Variants in KDM4C observed in about 807,000 individuals in gnomAD.
The protein encoded by KDM4C is lysine-specific demethylase 4C.
A neutral mutation model predicts 129.3 loss-of-function variants in KDM4C; 81 were observed. The observed-to-expected ratio is 0.63, with a 90% CI of 0.52 to 0.75. The LOEUF is 0.75. Among genes scored for constraint, KDM4C ranks in the 30% least tolerant of loss-of-function variants. The probability of loss-of-function intolerance (pLI) is 0.00; values close to 1 mark genes in which losing one functional copy is unlikely to be tolerated. For synonymous variants in KDM4C, 573 were observed against 456.1 expected (o/e 1.26, Z -3.26); for missense variants, 1,457 against 1,304.0 (o/e 1.12, Z -1.81).
At chr9:6,867,253 A>G (rs1053178663) in intron 5 of KDM4C, among the ~76,000 whole-genome samples, 1 of 152,000 alleles carries the variant, frequency 6.6e-6, no homozygotes, top group East Asian at 1.9e-4. Flanking sequence ...TGACCTCGTG[A>G]TCCGCCCACC....
In KDM4C at chr9:6,736,650, G is replaced by A. The variant is rs551581176; in HGVS notation, c.49+15653G>A. On this transcript the variant is annotated intron_variant, in intron 1 of 17. Coordinates refer to the KDM4C transcript ENST00000536108. ...ATTAGGAAGTCAGACTATCTCTGTTGTAGACAATGTGATTCTATACCTAAA... is the reference window on the plus strand; with the variant it reads ...ATTAGGAAGTCAGACTATCTCTGTTATAGACAATGTGATTCTATACCTAAA... 3.8e-4 allele frequency among the ~76,000 whole-genome samples: 58 copies of A among 152,264 alleles called. No individual in the cohort carries two copies. The South Asian group carries it at 7.7e-3, about 20-fold the overall frequency.
At chr9:6,889,596 G>C (rs994731932) in intron 7 of KDM4C, among the ~76,000 whole-genome samples, 2 of 152,172 alleles carry the variant, frequency 1.3e-5, no homozygotes, top group Admixed American at 6.5e-5. Flanking sequence ...TGGGCACCAG[G>C]CTTTTGTGAG....
At chr9:6,771,034 A>G (rs1821714861) in intron 1 of KDM4C, among the ~76,000 whole-genome samples, 1 of 147,118 alleles carries the variant, frequency 6.8e-6, no homozygotes, top group South Asian at 2.2e-4. Flanking sequence ...TTGGCCTCCC[A>G]AAGTGCTGGG....
chr9:6,799,316 A>G (rs1487920434), intron 2 of KDM4C, among the ~76,000 whole-genome samples: 1 of 152,242 alleles, frequency 6.6e-6, no homozygotes, highest in Non-Finnish European at 1.5e-5. Context: ...CAATCCCGGC[A>G]TCTTGGGAGG....
At chr9:7,034,685 A>G (rs1309700725) in intron 15 of KDM4C, among the ~76,000 whole-genome samples, 4 of 152,210 alleles carry the variant, frequency 2.6e-5, no homozygotes, top group Non-Finnish European at 5.9e-5. Flanking sequence ...TCCTTTGCAT[A>G]AATTCCCAGT....
rs765141948 is a variant in KDM4C at position 6,976,360 on chromosome 9, TCTTA to T, written c.922-4562_922-4559del. 3.3e-5 allele frequency among the ~76,000 whole-genome samples: 5 copies of T among 152,266 alleles called. No individual in the cohort carries two copies. The East Asian group carries it at 9.6e-4, about 29-fold the overall frequency. On this transcript the variant is annotated intron_variant, in intron 8 of 21. Transcript: ENST00000381309. The stretch of plus-strand genomic sequence containing the variant: ...TAACTGTTAATAATAGATTCTTAAT[TCTTA>T]CTGTCTTCACTAACATTAGGGTTAT...
intron 12 of KDM4C, among the ~76,000 whole-genome samples, chr9:7,000,233 TA>T (rs1027313397): frequency 4.6e-5 from 7 of 152,184 alleles, no homozygotes; most frequent in Non-Finnish European, 1.0e-4. Context: ...GTATGGTGAA[TA>T]AAAAAATCAA....
At chr9:6,986,781 A>G (rs894908942) in intron 11 of KDM4C, 115 bp downstream of exon 11, 38 of 729,664 alleles carry the variant, frequency 5.2e-5, no homozygotes, top group Non-Finnish European at 7.5e-5. Context: ...AACATTTTAC[A>G]TTTATGGGTC....
rs115240214 is a variant in KDM4C, at chr9:6,721,907, A to G, written c.49+910A>G. Among the ~76,000 whole-genome samples, 1,426 of 151,870 alleles carry G rather than the reference A, an allele frequency of 9.4e-3. 21 individuals are homozygous for G. The highest frequency in any genetic ancestry group is 0.033 in the African/African-American group (1,356 of 41,358). On this transcript the variant is annotated intron_variant, in intron 1 of 17. Coordinates refer to the KDM4C transcript ENST00000536108. The stretch of plus-strand genomic sequence containing the variant: ...CTGGCCCATTTTTTAATTTTTGTAG[A>G]GATTGGGTCTCACTATGCTGCCCAG...
chr9:6,952,918 G>A (rs115075450), intron 8 of KDM4C, among the ~76,000 whole-genome samples: 1 of 152,128 alleles, frequency 6.6e-6, no homozygotes. Context: ...TTTGCAGTCG[G>A]GGGAGGGAGA....
chr9:7,165,488 A>G (rs1274957470), intron 20 of KDM4C, 131 bp downstream of exon 20: 3 of 1,045,020 alleles, frequency 2.9e-6, no homozygotes, highest in Admixed American at 2.4e-5. Context: ...GCAGGAGGCA[A>G]AGATTCAATG....
chr9:6,897,289 G>A (rs543342274), intron 8 of KDM4C, among the ~76,000 whole-genome samples: 2 of 152,284 alleles, frequency 1.3e-5, no homozygotes, highest in South Asian at 4.1e-4. Context: ...TTTTAGTTTT[G>A]GTAGCTGCTT....
At chr9:7,032,261 A>C (rs1407437912) in intron 15 of KDM4C, among the ~76,000 whole-genome samples, 1 of 152,236 alleles carries the variant, frequency 6.6e-6, no homozygotes, top group Non-Finnish European at 1.5e-5. Flanking sequence ...ATCTGAAGGC[A>C]ACTTTCTGTC....
At chr9:7,044,736 G>A (rs761925845) in intron 15 of KDM4C, among the ~76,000 whole-genome samples, 1 of 151,992 alleles carries the variant, frequency 6.6e-6, no homozygotes, top group Non-Finnish European at 1.5e-5. Flanking sequence ...TAAGGTGTGA[G>A]CCATTGGCCT....
intron 13 of KDM4C, 98 bp downstream of exon 13, chr9:7,011,977 C>A (rs536974093): frequency 2.0e-6 from 2 of 994,264 alleles, no homozygotes; most frequent in Non-Finnish European, 3.0e-6. Context: ...TTCCTTTGCA[C>A]ATAAGAAGGA....
chr9:6,746,269 T>G (rs994752598), intron 1 of KDM4C, among the ~76,000 whole-genome samples: 9 of 134,300 alleles, frequency 6.7e-5, no homozygotes, highest in Non-Finnish European at 9.5e-5. Context: ...TATGTTTTTT[T>G]TTTTTTTTTT....
intron 8 of KDM4C, among the ~76,000 whole-genome samples, chr9:6,918,886 C>G (rs1820811550): frequency 6.6e-6 from 1 of 152,006 alleles, no homozygotes; most frequent in South Asian, 2.1e-4. Flanking sequence ...GAGTCTCACT[C>G]TGTTGCCCAG....
At chr9:6,804,255 A>G (rs1314032011) in intron 2 of KDM4C, among the ~76,000 whole-genome samples, 1 of 152,218 alleles carries the variant, frequency 6.6e-6, no homozygotes, top group African/African-American at 2.4e-5. Context: ...TTATACTGGC[A>G]TTTGAGAGTT....
At chr9:6,730,470 C>T (rs373818432) in intron 1 of KDM4C, among the ~76,000 whole-genome samples, 25 of 152,100 alleles carry the variant, frequency 1.6e-4, no homozygotes, top group African/African-American at 5.5e-4. Flanking sequence ...AAAAAATTAG[C>T]TGGGCGTGGT....
Sources: allele counts gnomAD v4.1 joint callset (sites outside exome capture counted in the v4.1 genomes callset), GRCh38; gene constraint gnomAD v4.1.1; transcripts MANE v1.5; gene names NCBI Gene and HGNC (gene_info 2026-07-23, HGNC 2026-07-21).